GLI3: variants seen among roughly 807,000 people sequenced by gnomAD.
GLI3 encodes transcription activator GLI3.
A neutral mutation model predicts 100.8 loss-of-function variants in GLI3; 20 were observed. The observed-to-expected ratio is 0.20, with a 90% CI of 0.14 to 0.29. The LOEUF (loss-of-function observed/expected upper bound fraction) is 0.29, where lower values mean the gene tolerates loss of function less well. Ranked by LOEUF, GLI3 falls within the 10% of genes least tolerant of loss-of-function variation. GLI3 has a pLI of 1.00. For synonymous variants in GLI3, 938 were observed against 860.5 expected (o/e 1.09, Z -1.58); for missense variants, 2,040 against 2,128.5 (o/e 0.96, Z 0.82).
At chr7:42,148,095 C>A in intron 3 of GLI3, 131 bp downstream of exon 3, 1 of 911,208 alleles carries the variant, frequency 1.1e-6, no homozygotes, top group Non-Finnish European at 1.6e-6. Flanking sequence ...GAAAATTACA[C>A]CTTTTAATAA....
intron 10 of GLI3, among the ~76,000 whole-genome samples, chr7:42,010,278 TC>T (rs1032574694): frequency 6.6e-6 from 1 of 152,198 alleles, no homozygotes; most frequent in African/African-American, 2.4e-5. Context: ...TCTGCCTCTC[TC>T]CATGTGAGGC....
At chr7:42,205,870 G>C (rs1255149654) in intron 2 of GLI3, among the ~76,000 whole-genome samples, 2 of 152,184 alleles carry the variant, frequency 1.3e-5, no homozygotes, top group Admixed American at 1.3e-4. Context: ...CCTGGGAAGA[G>C]AGTAACCTTG....
At chr7:42,193,245 C>G (rs1036883645) in intron 2 of GLI3, among the ~76,000 whole-genome samples, 8 of 152,170 alleles carry the variant, frequency 5.3e-5, no homozygotes, top group Admixed American at 3.9e-4. Context: ...GAGCACATTA[C>G]AGACCCTCTT....
At chr7:42,052,006 C>T (rs1003128299) in intron 4 of GLI3, among the ~76,000 whole-genome samples, 8 of 152,202 alleles carry the variant, frequency 5.3e-5, no homozygotes, top group South Asian at 2.1e-4. Context: ...TCTCCCAGCC[C>T]CCAACCCCAG....
chr7:42,128,727 AT>A (rs1009491833), intron 3 of GLI3, among the ~76,000 whole-genome samples: 22 of 149,186 alleles, frequency 1.5e-4, no homozygotes, highest in Non-Finnish European at 1.3e-4. Context: ...GTATGTCAGT[AT>A]TTTTTTTTTA....
intron 2 of GLI3, among the ~76,000 whole-genome samples, chr7:42,216,134 C>T (rs1788372369): frequency 6.6e-6 from 1 of 152,138 alleles, no homozygotes; most frequent in African/African-American, 2.4e-5. Context: ...GGGCTCAAAC[C>T]CTGGCTTCTA....
chr7:42,174,278 C>G (rs1490367015), intron 2 of GLI3, among the ~76,000 whole-genome samples: 1 of 152,106 alleles, frequency 6.6e-6, no homozygotes, highest in South Asian at 2.1e-4. Flanking sequence ...AACCAGGTAA[C>G]CTTCCCACAA....
chr7:42,175,706 A>G (rs369590491), intron 2 of GLI3, among the ~76,000 whole-genome samples: 1 of 152,114 alleles, frequency 6.6e-6, no homozygotes, highest in East Asian at 1.9e-4. Flanking sequence ...AAAAAGCATA[A>G]ACATTAAAAA....
At chr7:42,228,208 G>A (rs143340204) in intron 1 of GLI3, among the ~76,000 whole-genome samples, 37 of 152,240 alleles carry the variant, frequency 2.4e-4, no homozygotes, top group Non-Finnish European at 4.3e-4. Flanking sequence ...CGGCCCCGGC[G>A]CGCCCCAGTC....
chr7:42,264,056 G>A (rs149896763), exon 1 of GLI3, among the ~76,000 whole-genome samples: 71 of 152,288 alleles, frequency 4.7e-4, no homozygotes, highest in African/African-American at 1.6e-3. Context: ...TGGCTGTCTC[G>A]TCATGGTCAT....
chr7:42,040,214 C>T lies in GLI3; in HGVS notation c.852G>A (p.Leu284=). 1 of 1,613,826 alleles carries T rather than the reference C, an allele frequency of 6.2e-7. No individual in the cohort carries two copies. The highest frequency in any genetic ancestry group is 8.5e-7 in the Non-Finnish European group (1 of 1,179,744). ...TACGTTTTCGGCTCGGCCTGGCTGA[C>T]AGCCTGGGGCTGGAGAATCTGGTGC... The part of the protein sequence containing the change: ...MDSTRFSSPR[L]SARPSRKRTL... Residue 284 remains leucine (L), a synonymous_variant, in exon 7 of 15, where the codon CTG becomes CTA. Transcript: ENST00000395925.
chr7:42,160,408 G>A (rs1222370180), intron 2 of GLI3, among the ~76,000 whole-genome samples: 1 of 152,194 alleles, frequency 6.6e-6, no homozygotes, highest in Non-Finnish European at 1.5e-5. Context: ...TAGGACCCAA[G>A]TCTAAACACA....
intron 3 of GLI3, among the ~76,000 whole-genome samples, chr7:42,094,579 T>C (rs1785296998): frequency 6.6e-6 from 1 of 151,390 alleles, no homozygotes; most frequent in Non-Finnish European, 1.5e-5. Flanking sequence ...CTACTAAAAA[T>C]ACAAAAAAAT....
At chr7:42,215,349 A>G (rs1788355431) in intron 2 of GLI3, among the ~76,000 whole-genome samples, 2 of 152,176 alleles carry the variant, frequency 1.3e-5, no homozygotes, top group Non-Finnish European at 2.9e-5. Flanking sequence ...AAACAAGGTA[A>G]CAGGGAGTTT....
Position 42,045,549 on chromosome 7 carries a change from T to C in GLI3, c.680-19A>G, listed in dbSNP as rs1434550145. 3 of 1,613,286 alleles carry C rather than the reference T, an allele frequency of 1.9e-6. No individual in the cohort carries two copies. The highest frequency in any genetic ancestry group is 2.2e-5 in the East Asian group (1 of 44,862). Reference sequence around the variant, plus strand: ...TGGGGCGCTAGGAGGAGACAAGAGATGTATGGTTACTAGCGAAAGAAGGTC... The same window carrying C: ...TGGGGCGCTAGGAGGAGACAAGAGACGTATGGTTACTAGCGAAAGAAGGTC... On this transcript the variant is annotated intron_variant, in intron 5 of 14. Transcript: ENST00000395925.
chr7:42,003,825 A>G (rs925474698), intron 10 of GLI3, among the ~76,000 whole-genome samples: 1 of 152,240 alleles, frequency 6.6e-6, no homozygotes, highest in Non-Finnish European at 1.5e-5. Flanking sequence ...CGTAGAATAT[A>G]TATTTTTGTA....
intron 4 of GLI3, among the ~76,000 whole-genome samples, chr7:42,070,822 C>T (rs531587409): frequency 1.6e-4 from 24 of 152,050 alleles, no homozygotes; most frequent in Admixed American, 1.5e-3. Context: ...TTCCATGTGT[C>T]GGCTCTGGAA....
intron 2 of GLI3, among the ~76,000 whole-genome samples, chr7:42,189,091 G>C (rs1267710131): frequency 6.6e-6 from 1 of 152,038 alleles, no homozygotes; most frequent in African/African-American, 2.4e-5. Flanking sequence ...GTGGCTGTGT[G>C]GGGGCAGGAA....
chr7:42,044,831 T>C (rs955062828), intron 6 of GLI3, among the ~76,000 whole-genome samples: 1 of 152,116 alleles, frequency 6.6e-6, no homozygotes, highest in Non-Finnish European at 1.5e-5. Context: ...GCAAAGTCCA[T>C]CCATATATCA....
Sources: allele counts gnomAD v4.1 joint callset (sites outside exome capture counted in the v4.1 genomes callset), GRCh38; gene constraint gnomAD v4.1.1; transcripts MANE v1.5; gene names NCBI Gene and HGNC (gene_info 2026-07-23, HGNC 2026-07-21).